UVSSA: variants seen among roughly 807,000 people sequenced by gnomAD.
UVSSA encodes UV stimulated scaffold protein A, also known as UV-stimulated scaffold protein A.
Under a neutral mutation model 73.9 loss-of-function variants are expected in UVSSA, and 72 were observed. The observed-to-expected ratio is 0.97, with a 90% CI of 0.81 to 1.19. The LOEUF is 1.19. Among genes scored for constraint, UVSSA ranks in the 50% most tolerant of loss-of-function variants. UVSSA has a pLI of 0.00. For synonymous variants in UVSSA, 454 were observed against 391.3 expected (o/e 1.16, Z -1.89); for missense variants, 1,150 against 965.0 (o/e 1.19, Z -2.54).
At chr4:1,354,453 G>A (rs1037046630) in intron 5 of UVSSA, 7 of 465,570 alleles carry the variant, frequency 1.5e-5, no homozygotes, top group Non-Finnish European at 2.4e-5. Context: ...GCTGTGGGTG[G>A]TCTCGCCCTC....
intron 8 of UVSSA, among the ~76,000 whole-genome samples, chr4:1,373,444 C>T (rs1192508573): frequency 6.6e-6 from 1 of 152,212 alleles, no homozygotes; most frequent in African/African-American, 2.4e-5. Context: ...TTCCCCAGCC[C>T]ACTGACTCAA....
intron 8 of UVSSA, among the ~76,000 whole-genome samples, chr4:1,366,719 C>T (rs778806087): frequency 2.6e-5 from 4 of 152,230 alleles, no homozygotes; most frequent in Non-Finnish European, 5.9e-5. Context: ...TGCTGGTCCT[C>T]CTCTGCCAGG....
exon 14 of UVSSA, chr4:1,393,595 TAGATAG>T (rs1720455987): frequency 6.6e-6 from 1 of 151,818 alleles, no homozygotes; most frequent in African/African-American, 2.4e-5. Flanking sequence ...GATAGATAGA[TAGATAG>T]ATAGATAGAT....
At chr4:1,390,710 ATATC>A (rs1392800368), downstream of UVSSA, 1 of 152,316 alleles carries the variant, frequency 6.6e-6, no homozygotes, top group Non-Finnish European at 1.5e-5. Context: ...GTGTTGAAGA[ATATC>A]TATCCTGCTC....
At chr4:1,385,716 T>G (rs1381996104) in intron 13 of UVSSA, 152 bp from the exon 14 acceptor site, 5 of 744,178 alleles carry the variant, frequency 6.7e-6, no homozygotes, top group African/African-American at 3.5e-5. Flanking sequence ...GTCGCCCATC[T>G]GTCTCTGAAG....
At chr4:1,393,374 A>G (rs1577395674) in exon 14 of UVSSA, 4 of 152,142 alleles carry the variant, frequency 2.6e-5, no homozygotes, top group Admixed American at 2.6e-4. Context: ...TTATTTGAAC[A>G]TATGTGTAGA....
chr4:1,363,022 C>T (rs1352423299), intron 7 of UVSSA, among the ~76,000 whole-genome samples: 2 of 152,198 alleles, frequency 1.3e-5, no homozygotes, highest in Non-Finnish European at 1.5e-5. Context: ...AGAGTTTATC[C>T]CGTGTGACTT....
chr4:1,366,959 C>T (rs1053151309), intron 8 of UVSSA, among the ~76,000 whole-genome samples: 5 of 152,164 alleles, frequency 3.3e-5, no homozygotes, highest in Admixed American at 6.5e-5. Flanking sequence ...GTGTGATTCC[C>T]GCAGCTACAG....
upstream of UVSSA, among the ~76,000 whole-genome samples, chr4:1,344,226 T>C (rs1457614791): frequency 2.0e-5 from 3 of 152,192 alleles, no homozygotes; most frequent in Admixed American, 6.5e-5. Context: ...TAAGTTTCCA[T>C]TGGTTCTTTT....
At chr4:1,356,205 G>T (rs1342769209) in intron 7 of UVSSA, among the ~76,000 whole-genome samples, 1 of 152,112 alleles carries the variant, frequency 6.6e-6, no homozygotes, top group Non-Finnish European at 1.5e-5. Context: ...GAAAGCTTTG[G>T]GGTGGAAGTG....
intron 7 of UVSSA, chr4:1,358,672 G>A (rs2109136050): frequency 6.6e-6 from 1 of 152,378 alleles, no homozygotes; most frequent in African/African-American, 2.4e-5. Flanking sequence ...TGCGGCAGGT[G>A]GGGCTGGCTG....
intron 8 of UVSSA, among the ~76,000 whole-genome samples, chr4:1,371,221 A>G (rs191631398): frequency 5.3e-5 from 8 of 151,086 alleles, no homozygotes; most frequent in South Asian, 2.1e-4. Flanking sequence ...TCTGCAGCTC[A>G]CCCGTGTTCA....
At chr4:1,384,160 TC>T in intron 13 of UVSSA, 1 of 576,768 alleles carries the variant, frequency 1.7e-6, no homozygotes, top group Non-Finnish European at 3.0e-6. Flanking sequence ...CCCCCAGCAT[TC>T]CCCAGGATAA....
chr4:1,354,974 C>CCCT (rs1352009352), intron 6 of UVSSA, 127 bp downstream of exon 6: 4 of 1,527,482 alleles, frequency 2.6e-6, no homozygotes, highest in Non-Finnish European at 3.5e-6. Flanking sequence ...AGGGCTCTGT[C>CCCT]CCTCACCCGC....
At chr4:1,385,303 T>A (rs1194725005) in intron 13 of UVSSA, 1 of 156,022 alleles carries the variant, frequency 6.4e-6, no homozygotes, top group East Asian at 1.9e-4. Flanking sequence ...TTCACCACAT[T>A]GTGGCCTCAG....
rs767728684 is a variant in UVSSA, at chr4:1,351,687, C to T, written c.430-28C>T. 6.2e-6 allele frequency: 10 copies of T among 1,610,126 alleles called. No homozygotes were observed. In the African/African-American group the frequency reaches 1.1e-4, roughly 17 times the overall value. On this transcript the variant is annotated intron_variant, in intron 3 of 13. Transcript: ENST00000389851. ...TACAGGCGTGAGCCACCGCGCCTGT[C>T]CCCTAGTCTTTATTTTCAATTGCTC...
chr4:1,352,662 C>T (rs1714966969), intron 4 of UVSSA, among the ~76,000 whole-genome samples: 1 of 152,234 alleles, frequency 6.6e-6, no homozygotes, highest in South Asian at 2.1e-4. Flanking sequence ...TTAAAAAGTG[C>T]AGCACACGAC....
chr4:1,365,820 C>T (rs76199651), intron 7 of UVSSA, among the ~76,000 whole-genome samples: 6,292 of 151,562 alleles, frequency 0.042, 261 homozygotes, highest in East Asian at 0.2. Context: ...CCGGGGGCAC[C>T]GCAGACGCAC....
At chr4:1,395,701 C>T in exon 14 of UVSSA, 2 of 1,614,190 alleles carry the variant, frequency 1.2e-6, no homozygotes, top group African/African-American at 1.3e-5. Flanking sequence ...CCCGCCTGCT[C>T]ACACAAAGCC....
Sources: gnomAD v4.1 joint callset for allele counts (sites outside exome capture counted in the v4.1 genomes callset) on GRCh38, gnomAD v4.1.1 for gene constraint, MANE v1.5 for transcripts, NCBI Gene and HGNC (gene_info 2026-07-23, HGNC 2026-07-21) for gene names.